The following PAPPA2 variants were observed in gnomAD, a reference collection of about 807,000 sequenced individuals.
PAPPA2 encodes pappalysin-2.
In PAPPA2, 86 loss-of-function variants were observed where a neutral mutation model predicts 176.4. The ratio of observed to expected loss-of-function variants is 0.49; its 90% confidence interval spans 0.41 to 0.58. The LOEUF is 0.58. Among genes scored for constraint, PAPPA2 ranks in the 20% least tolerant of loss-of-function variants. PAPPA2 has a pLI of 0.00. For missense variants in PAPPA2, 2,073 were observed against 2,256.9 expected (o/e 0.92, Z 1.65); for synonymous variants, 809 against 852.2 (o/e 0.95, Z 0.88).
chr1:176,775,595 C>T (rs187015305), intron 17 of PAPPA2, among the ~76,000 whole-genome samples: 2 of 152,254 alleles, frequency 1.3e-5, no homozygotes, highest in East Asian at 3.9e-4. Flanking sequence ...AACAATGCTT[C>T]TCATACTTGG....
At chr1:176,622,929 T>C (rs932892884) in intron 3 of PAPPA2, among the ~76,000 whole-genome samples, 2 of 152,194 alleles carry the variant, frequency 1.3e-5, no homozygotes, top group East Asian at 3.9e-4. Context: ...TGAGGACCTT[T>C]TCCTCAAAGA....
intron 1 of PAPPA2, among the ~76,000 whole-genome samples, chr1:176,475,978 A>G (rs1374629960): frequency 6.6e-6 from 1 of 152,198 alleles, no homozygotes; most frequent in Non-Finnish European, 1.5e-5. Context: ...ATTTTTCAAT[A>G]TTAGTAGGGC....
At chr1:176,754,871 G>A (rs189637334) in intron 14 of PAPPA2, among the ~76,000 whole-genome samples, 63 of 152,298 alleles carry the variant, frequency 4.1e-4, no homozygotes, top group African/African-American at 1.2e-3. Context: ...CTCTCAGGCC[G>A]TGTCTGGTTT....
chr1:176,753,637 A>G (rs1359763990), intron 14 of PAPPA2, among the ~76,000 whole-genome samples: 1 of 74,618 alleles, frequency 1.3e-5, no homozygotes, highest in Non-Finnish European at 2.7e-5. Flanking sequence ...TATTATTTTT[A>G]TCATAAGGTT....
chr1:176,805,086 C>A (rs1665843965), intron 21 of PAPPA2, among the ~76,000 whole-genome samples: 2 of 147,136 alleles, frequency 1.4e-5, no homozygotes, highest in East Asian at 1.9e-4. Context: ...TTCCTTCCTT[C>A]CTTCCTTTTA....
At chr1:176,798,783 C>A (rs887785349) in intron 20 of PAPPA2, among the ~76,000 whole-genome samples, 9 of 152,126 alleles carry the variant, frequency 5.9e-5, no homozygotes, top group African/African-American at 2.2e-4. Flanking sequence ...CTTTTTAATA[C>A]AATAATGACT....
chr1:176,750,860 C>T (rs535947094), intron 14 of PAPPA2, among the ~76,000 whole-genome samples: 1 of 152,132 alleles, frequency 6.6e-6, no homozygotes, highest in Admixed American at 6.5e-5. Flanking sequence ...TTATATGGTC[C>T]TATATGCAAA....
At chr1:176,719,992 A>G (rs1301513358) in intron 12 of PAPPA2, among the ~76,000 whole-genome samples, 1 of 152,228 alleles carries the variant, frequency 6.6e-6, no homozygotes. Flanking sequence ...TGTTATTCAC[A>G]TGGTGATTTT....
chr1:176,517,627 T>G (rs1253208803), intron 1 of PAPPA2, among the ~76,000 whole-genome samples: 1 of 151,948 alleles, frequency 6.6e-6, no homozygotes, highest in Admixed American at 6.6e-5. Flanking sequence ...TAAAAACAGG[T>G]GACTGTGAGG....
In PAPPA2 at chr1:176,739,990, A is replaced by G. The variant is rs776707949; in HGVS notation, c.3945A>G (p.Gly1315=). Residue 1315 remains glycine, a synonymous_variant, in exon 14 of 23, where the codon GGA becomes GGG. Coordinates refer to ENST00000367662, the MANE Select transcript of PAPPA2 (RefSeq NM_020318.3). ...TCCGTTTATCTTCAGGAACCTATGG[A>G]CTGTCATGCCAGCATAATCCACTGA... ...RGSNHSLGTY[G]LSCQHNPLII... is the part of the protein sequence containing the mutation. The G allele has an allele frequency of 2.3e-5, 37 of 1,613,758 alleles. No homozygotes were observed. In the Admixed American group the frequency reaches 5.7e-4, roughly 25 times the overall value.
chr1:176,573,651 T>C (rs1652482079), intron 2 of PAPPA2, among the ~76,000 whole-genome samples: 1 of 152,254 alleles, frequency 6.6e-6, no homozygotes, highest in African/African-American at 2.4e-5. Context: ...CTTTTTCAAC[T>C]AAATAATTTA....
intron 1 of PAPPA2, among the ~76,000 whole-genome samples, chr1:176,547,517 TG>T (rs1650704881): frequency 2.0e-5 from 3 of 152,200 alleles, no homozygotes; most frequent in Admixed American, 2.0e-4. Flanking sequence ...TGACTTACTT[TG>T]GCCAATAGAA....
At chr1:176,518,828 G>A (rs897499302) in intron 1 of PAPPA2, among the ~76,000 whole-genome samples, 1 of 152,064 alleles carries the variant, frequency 6.6e-6, no homozygotes, top group African/African-American at 2.4e-5. Context: ...AGGAATTCAG[G>A]AGAGAATGTG....
rs199626445 is a variant in PAPPA2, at chr1:176,610,390, T to C, written c.1991+14795T>C. 1.1e-4 allele frequency among the ~76,000 whole-genome samples: 16 copies of C among 151,984 alleles called. No homozygotes were observed. The East Asian group carries it at 2.5e-3, about 24-fold the overall frequency. On this transcript the variant is annotated intron_variant, in intron 3 of 22. Transcript: ENST00000367662. ...ATAGGAATGAACTTAGAGTTTAGGA[T>C]ATAAAAAATGTGTAAACCAAGCTGG...
intron 3 of PAPPA2, among the ~76,000 whole-genome samples, chr1:176,598,256 T>C (rs1490609415): frequency 4.6e-5 from 7 of 151,264 alleles, no homozygotes; most frequent in Admixed American, 4.6e-4. Flanking sequence ...ACTATATTTA[T>C]TTTTTTCACC....
At chr1:176,525,037 G>T (rs1439778105) in intron 1 of PAPPA2, among the ~76,000 whole-genome samples, 2 of 151,600 alleles carry the variant, frequency 1.3e-5, no homozygotes, top group Non-Finnish European at 2.9e-5. Flanking sequence ...AGGAGACTCC[G>T]TCTCAAAAAA....
rs1660054469 is a variant in PAPPA2, at chr1:176,690,366, T to C, written c.2367T>C (p.Thr789=). 6.2e-7 allele frequency: 1 copy of C among 1,614,024 alleles called. No individual in the cohort carries two copies. The highest frequency in any genetic ancestry group is 1.3e-5 in the African/African-American group (1 of 74,904). The change falls in exon 5 of 23, where the codon ACT becomes ACC. Residue 789 remains threonine (T), a synonymous_variant. Transcript: ENST00000367662. Reference sequence around the variant, plus strand: ...AGCTGTGCCGGGAACCAGAGCCCACTAGTGACACCTGTGGCTTCACTCGCT... The same window carrying C: ...AGCTGTGCCGGGAACCAGAGCCCACCAGTGACACCTGTGGCTTCACTCGCT... The part of the protein sequence containing the change: ...KSELCREPEP[T]SDTCGFTRFP...
In PAPPA2 at chr1:176,690,936, A is replaced by T. The variant is rs146024703; in HGVS notation, c.2431+506A>T. 0.033 allele frequency: 31,916 copies of T among 971,400 alleles called. 555 individuals are homozygous for T. The highest frequency in any genetic ancestry group is 0.036 in the Non-Finnish European group (29,623 of 819,480). The allele number at this position is 971,400 out of a possible 1,614,324, so 60.2% of individuals were successfully genotyped here. ...TAAAAAAAAAAAAAAAAAAAATCAG[A>T]TTCTCTTTTTCCAGCACTAGTCAAG... On this transcript the variant is annotated intron_variant, in intron 5 of 22. Coordinates refer to ENST00000367662, the MANE Select transcript of PAPPA2 (RefSeq NM_020318.3).
intron 1 of PAPPA2, among the ~76,000 whole-genome samples, chr1:176,545,097 T>A (rs1315240087): frequency 4.6e-5 from 7 of 152,122 alleles, no homozygotes; most frequent in Admixed American, 4.6e-4. Context: ...TTAATCTCCA[T>A]CCCTTCTCCC....
Sources: allele counts gnomAD v4.1 joint callset (sites outside exome capture counted in the v4.1 genomes callset), GRCh38; gene constraint gnomAD v4.1.1; transcripts MANE v1.5; gene names NCBI Gene and HGNC (gene_info 2026-07-23, HGNC 2026-07-21).